PADI4: variants seen among roughly 807,000 people sequenced by gnomAD.
PADI4 encodes the protein protein-arginine deiminase type-4.
Under a neutral mutation model 75.0 loss-of-function variants are expected in PADI4, and 62 were observed. That is an observed-to-expected ratio of 0.83 (90% CI 0.67 to 1.02). The LOEUF (loss-of-function observed/expected upper bound fraction) is 1.02, where lower values mean the gene tolerates loss of function less well. Ranked by LOEUF, PADI4 falls within the 50% of genes least tolerant of loss-of-function variation. The pLI, the probability that PADI4 is intolerant of heterozygous loss-of-function variation, is 0.00. For missense variants in PADI4, 845 were observed against 850.5 expected, an observed-to-expected ratio of 0.99 and a Z score of 0.08; for synonymous variants, 361 against 348.1, an observed-to-expected ratio of 1.04 and a Z score of -0.41.
intron 3 of PADI4, among the ~76,000 whole-genome samples, chr1:17,334,978 C>T (rs916535418): frequency 2.6e-5 from 4 of 151,292 alleles, no homozygotes; most frequent in African/African-American, 2.4e-5. Flanking sequence ...CCTGTCTCTA[C>T]AAAAAATAAA....
At chr1:17,343,229 A>T (rs1013979417) in intron 8 of PADI4, among the ~76,000 whole-genome samples, 1 of 152,162 alleles carries the variant, frequency 6.6e-6, no homozygotes. Flanking sequence ...AAATTAAATT[A>T]AATTAAATTT....
intron 4 of PADI4, among the ~76,000 whole-genome samples, chr1:17,337,435 T>C (rs1748027): frequency 0.64 from 97,665 of 151,968 alleles, 31,546 homozygotes; most frequent in Non-Finnish European, 0.67. Flanking sequence ...TGTGAGCCAC[T>C]GCGCCCAGCC....
rs777963889 is a variant in PADI4 at position 17,338,071 on chromosome 1, G to A, written c.442G>A (p.Ala148Thr). The A allele has an allele frequency of 1.2e-4, 196 of 1,613,506 alleles. No individual in the cohort carries two copies. The highest frequency in any genetic ancestry group is 1.5e-4 in the Non-Finnish European group (182 of 1,179,606). ...GACCTGGGGCCCTTGTGGACAGGGT[G>A]CCATCCTGCTGGTGAACTGTGACAG... ...TWTWGPCGQGAILLVNCDRDN... is the reference protein window; with the variant it reads ...TWTWGPCGQGTILLVNCDRDN... Residue 148 changes from alanine to threonine, a missense_variant, in exon 5 of 16, where the codon GCC becomes ACC. Ala to Thr is a moderately conservative substitution (Grantham distance 58). Transcript: ENST00000375448.
In PADI4 at chr1:17,346,068, C is replaced by G. The variant is rs2074509527; in HGVS notation, c.976C>G (p.Leu326Val). ...NEDFLKSVTT[L>V]AMKAKCKLTI... ...GGACTTCCTGAAGTCAGTGACTACT[C>G]TGGCCATGAAAGCCAAGTGCAAGCT... Residue 326 changes from leucine (L) to valine (V), a missense_variant, in exon 9 of 16, where the codon CTG becomes GTG. Physicochemically the swap from Leu to Val is conservative, Grantham distance 32. Coordinates refer to ENST00000375448, the MANE Select transcript of PADI4 (RefSeq NM_012387.3). This position sits in a 1 kb window ranked among gnomAD's most constrained non-coding sequence, Gnocchi z 4.3. 1 of 1,613,648 alleles carries G rather than the reference C, an allele frequency of 6.2e-7. No individual in the cohort carries two copies. The highest frequency in any genetic ancestry group is 1.1e-5 in the South Asian group (1 of 91,078).
At position 17,356,551 on chromosome 1, in the gene PADI4, T is replaced by G; in HGVS notation, c.1558+92T>G. On this transcript the variant is annotated intron_variant, in intron 13 of 15. Coordinates refer to ENST00000375448, the MANE Select transcript of PADI4 (RefSeq NM_012387.3). The surrounding 1 kb of genome is among the most constrained non-coding windows in gnomAD (Gnocchi z 4.1). ...GGAGGGAATCATCCAGGCAATAGGG[T>G]AGCATCTGAGCACCTACTGTGCGCC... is the stretch of plus-strand genomic sequence containing the variant. 1 of 734,378 alleles carries G rather than the reference T, an allele frequency of 1.4e-6. No homozygotes were observed. The highest frequency in any genetic ancestry group is 2.4e-6 in the Non-Finnish European group (1 of 421,682). 45.5% of individuals were successfully genotyped at this position (734,378 alleles called of 1,614,324 possible). A position where few individuals can be genotyped will look rare whatever the true frequency, so the allele number is the denominator to read the frequency against.
Position 17,350,136 on chromosome 1 carries a change from C to T in PADI4, c.1155+2088C>T, listed in dbSNP as rs2074594023. Among the ~76,000 whole-genome samples, 3 of 128,418 alleles carry T rather than the reference C, an allele frequency of 2.3e-5. 1 individual carries two copies. In the Admixed American group the frequency reaches 2.7e-4, roughly 11 times the overall value. The allele number at this position is 128,418 out of a possible 152,430, so 84.2% of individuals were successfully genotyped here. A position where few individuals can be genotyped will look rare whatever the true frequency, so the allele number is the denominator to read the frequency against. On this transcript the variant is annotated intron_variant, in intron 10 of 15. Coordinates refer to ENST00000375448, the MANE Select transcript of PADI4 (RefSeq NM_012387.3). ...CAGTGTATTTTGTTAAAATCATGGA[C>T]TCGTTCATCTACTTTTCGTTGCCTG...
chr1:17,319,515 C>A (rs969720289), intron 1 of PADI4, among the ~76,000 whole-genome samples: 3 of 152,082 alleles, frequency 2.0e-5, no homozygotes, highest in African/African-American at 7.2e-5. Flanking sequence ...TTGCAGTGCA[C>A]TGTGCTTAAA....
chr1:17,363,941 A>G lies in PADI4; in HGVS notation c.*186A>G, dbSNP rs1570108860. On this transcript the variant is annotated 3_prime_UTR_variant, in exon 16 of 16. Coordinates refer to ENST00000375448, the MANE Select transcript of PADI4 (RefSeq NM_012387.3). Reference sequence around the variant, plus strand: ...CTGAAGATCCCAACATGGTCCTAGCACTGCACACTCAGTTCTGCTCTAAGA... The same window carrying G: ...CTGAAGATCCCAACATGGTCCTAGCGCTGCACACTCAGTTCTGCTCTAAGA... 5.4e-6 allele frequency: 3 copies of G among 554,904 alleles called. No individual in the cohort carries two copies. The Admixed American group carries it at 9.6e-5, about 18-fold the overall frequency. The allele number at this position is 554,904 out of a possible 1,614,324, so 34.4% of individuals were successfully genotyped here. A position where few individuals can be genotyped will look rare whatever the true frequency, so the allele number is the denominator to read the frequency against.
At chr1:17,363,459 C>T (rs2477150) in intron 15 of PADI4, 63 bp from the exon 16 acceptor site, 264,785 of 1,133,392 alleles carry the variant, frequency 0.23, 32,018 homozygotes, top group East Asian at 0.29. Flanking sequence ...AGGGTGGGGC[C>T]GCTCAGATTG....
intron 1 of PADI4, among the ~76,000 whole-genome samples, chr1:17,316,011 A>G (rs1414443282): frequency 6.6e-6 from 1 of 151,832 alleles, no homozygotes; most frequent in Admixed American, 6.6e-5. Context: ...CTCCACCCAG[A>G]TGGCCCGGCA....
intron 10 of PADI4, among the ~76,000 whole-genome samples, chr1:17,350,277 C>T (rs2074596445): frequency 7.7e-6 from 1 of 129,338 alleles, no homozygotes; most frequent in African/African-American, 2.5e-5. Flanking sequence ...TCTATCACCA[C>T]CATCAATGGG....
At position 17,331,705 on chromosome 1, in the gene PADI4, G is replaced by A. The variant is rs187311251; in HGVS notation, c.273+556G>A. Among the ~76,000 whole-genome samples the A allele has an allele frequency of 2.2e-4, 34 of 152,210 alleles. No homozygotes were observed. In the East Asian group the frequency reaches 5.2e-3, roughly 23 times the overall value. ...GGCCGAGGCGGGTGGATCACCTGAGGTCAGGAGTTTGAGACCAGCCTGGCC... is the reference window on the plus strand; with the variant it reads ...GGCCGAGGCGGGTGGATCACCTGAGATCAGGAGTTTGAGACCAGCCTGGCC... On this transcript the variant is annotated intron_variant, in intron 2 of 15. Coordinates refer to ENST00000375448, the MANE Select transcript of PADI4 (RefSeq NM_012387.3).
chr1:17,327,704 G>A (rs2074138594), intron 1 of PADI4, among the ~76,000 whole-genome samples: 1 of 151,812 alleles, frequency 6.6e-6, no homozygotes, highest in Admixed American at 6.6e-5. Context: ...ACCATGCCCA[G>A]CTAATTTTTG....
intron 13 of PADI4, among the ~76,000 whole-genome samples, chr1:17,358,172 C>T (rs1471312732): frequency 1.3e-5 from 2 of 151,892 alleles, no homozygotes; most frequent in African/African-American, 4.8e-5. Context: ...CGCTTGAACT[C>T]GGGAGGTGGA....
chr1:17,325,494 T>C (rs1025730257), intron 1 of PADI4, among the ~76,000 whole-genome samples: 2 of 152,142 alleles, frequency 1.3e-5, no homozygotes, highest in East Asian at 3.8e-4. Flanking sequence ...GTCACCTTAT[T>C]AAACTTTTGT....
At chr1:17,344,379 A>G (rs1557567680) in intron 8 of PADI4, among the ~76,000 whole-genome samples, 1 of 152,246 alleles carries the variant, frequency 6.6e-6, no homozygotes, top group Non-Finnish European at 1.5e-5. Flanking sequence ...GCAATCGAAA[A>G]GAAAATCTCA....
At chr1:17,357,941 A>C (rs10788666) in intron 13 of PADI4, among the ~76,000 whole-genome samples, 5 of 143,454 alleles carry the variant, frequency 3.5e-5, no homozygotes, top group South Asian at 2.2e-4. Context: ...AAAAAAAAAA[A>C]AAAAAACAAG....
intron 1 of PADI4, among the ~76,000 whole-genome samples, chr1:17,318,752 C>G (rs2073983728): frequency 6.7e-6 from 1 of 149,210 alleles, no homozygotes; most frequent in Non-Finnish European, 1.5e-5. Context: ...GTGGCGCGAT[C>G]TTGGCTCACT....
intron 15 of PADI4, among the ~76,000 whole-genome samples, chr1:17,361,254 T>C (rs1163197349): frequency 2.6e-5 from 4 of 152,236 alleles, no homozygotes; most frequent in Non-Finnish European, 5.9e-5. Flanking sequence ...AAAGGGTTCC[T>C]TGGCCAAAAG....
Sources: gnomAD v4.1 joint callset for allele counts (sites outside exome capture counted in the v4.1 genomes callset) on GRCh38, gnomAD v4.1.1 for gene constraint, Gnocchi (gnomAD v3.1) non-coding constraint, MANE v1.5 for transcripts, NCBI Gene and HGNC (gene_info 2026-07-23, HGNC 2026-07-21) for gene names.